CLTC: variants seen among roughly 807,000 people sequenced by gnomAD.
CLTC encodes the protein clathrin heavy chain 1.
CLTC carries 16 observed loss-of-function variants against 195.8 expected under a neutral mutation model. The observed-to-expected ratio is 0.08, with a 90% CI of 0.06 to 0.12. CLTC has a LOEUF of 0.12. Ranked by LOEUF, CLTC falls within the 10% of genes least tolerant of loss-of-function variation. The pLI, the probability that CLTC is intolerant of heterozygous loss-of-function variation, is 1.00. For missense variants in CLTC, 796 were observed against 2,027.0 expected (o/e 0.39, Z 11.66); for synonymous variants, 667 against 689.4 (o/e 0.97, Z 0.51).
Position 59,695,084 on chromosome 17 carries a change from A to C in CLTC, c.*1232A>C, listed in dbSNP as rs1293773526. On this transcript the variant is annotated 3_prime_UTR_variant, in exon 32 of 32. Transcript: ENST00000269122. ...TGAACAAATCATGGCTGTTATATTA[A>C]CTTGAAATAAAATATATTTAAACAT... 9.7e-6 allele frequency: 2 copies of C among 205,250 alleles called. No homozygotes were observed. The highest frequency in any genetic ancestry group is 2.0e-5 in the Non-Finnish European group (2 of 100,306). 12.7% of individuals were successfully genotyped at this position (205,250 alleles called of 1,614,324 possible).
chr17:59,670,000 C>T (rs925262826), intron 14 of CLTC, among the ~76,000 whole-genome samples: 1 of 152,092 alleles, frequency 6.6e-6, no homozygotes, highest in Non-Finnish European at 1.5e-5. Flanking sequence ...AACTGCTCTA[C>T]ATTTTAGATT....
Position 59,685,881 on chromosome 17 carries a change from T to A in CLTC, c.4827+73T>A, listed in dbSNP as rs1043975531. ...AATTCTACATGCACATTAATTTTTT[T>A]AAATGCTTTTTTCTTTAGTAGAAGT... On this transcript the variant is annotated intron_variant, in intron 30 of 31. Transcript: ENST00000269122. The surrounding 1 kb of genome is among the most constrained non-coding windows in gnomAD (Gnocchi z 5.0). 6 of 1,168,054 alleles carry A rather than the reference T, an allele frequency of 5.1e-6. No homozygotes were observed. Among genetic ancestry groups the A allele is most frequent in the African/African-American group, 4.7e-5 (3 of 64,328 alleles). 72.4% of individuals were successfully genotyped at this position (1,168,054 alleles called of 1,614,324 possible).
chr17:59,643,135 GTGT>G lies in CLTC; in HGVS notation c.43-1140_43-1138del, dbSNP rs1567939303. Among the ~76,000 whole-genome samples the G allele has an allele frequency of 4.1e-3, 569 of 138,650 alleles. 7 individuals carry two copies. Among genetic ancestry groups the G allele is most frequent in the Middle Eastern group, 0.015 (4 of 268 alleles). The allele number at this position is 138,650 out of a possible 152,430, so 91.0% of individuals were successfully genotyped here. A position where few individuals can be genotyped will look rare whatever the true frequency, so the allele number is the denominator to read the frequency against. On this transcript the variant is annotated intron_variant, in intron 1 of 31. Coordinates refer to ENST00000269122, the MANE Select transcript of CLTC (RefSeq NM_004859.4). ...TTCCATGCTTTTTCTTTTCTGGGGT[GTGT>G]GTGTGTGTGTGTGTGTGTGTGTGTG... is the stretch of plus-strand genomic sequence containing the variant.
intron 1 of CLTC, among the ~76,000 whole-genome samples, chr17:59,637,388 GTGCC>G (rs1435992910): frequency 6.6e-6 from 1 of 151,104 alleles, no homozygotes; most frequent in African/African-American, 2.4e-5. Context: ...GGGACTACAG[GTGCC>G]CGTCACCACA....
At chr17:59,659,474 A>G (rs1160435792) in intron 6 of CLTC, among the ~76,000 whole-genome samples, 1 of 145,834 alleles carries the variant, frequency 6.9e-6, no homozygotes, top group Non-Finnish European at 1.5e-5. Context: ...TTTTTGAGAC[A>G]GAGTCTCCCT....
chr17:59,659,208 G>A (rs2032549677), intron 6 of CLTC, among the ~76,000 whole-genome samples: 4 of 152,080 alleles, frequency 2.6e-5, no homozygotes, highest in Admixed American at 2.6e-4. Context: ...AAGTGCTGTT[G>A]GGGTAATATG....
chr17:59,624,862 GTC>G (rs1205365578), intron 1 of CLTC, among the ~76,000 whole-genome samples: 2 of 152,118 alleles, frequency 1.3e-5, no homozygotes, highest in Non-Finnish European at 2.9e-5. Context: ...TAGAGACAGA[GTC>G]TTGCTATATT....
Position 59,666,755 on chromosome 17 carries a change from A to G in CLTC, c.1948-42A>G, listed in dbSNP as rs1381557989. 6.3e-7 allele frequency: 1 copy of G among 1,581,130 alleles called. No individual in the cohort carries two copies. The highest frequency in any genetic ancestry group is 8.6e-7 in the Non-Finnish European group (1 of 1,157,786). ...ATTTCATACCACCATGAGGTTCAAC[A>G]TTATTTCATTTATTCATTCATTCAT... On this transcript the variant is annotated intron_variant, in intron 12 of 31. Coordinates refer to ENST00000269122, the MANE Select transcript of CLTC (RefSeq NM_004859.4). The surrounding 1 kb of genome is among the most constrained non-coding windows in gnomAD (Gnocchi z 4.9).
In CLTC at chr17:59,648,186, TGA is replaced by T. The variant is rs1444585838; in HGVS notation, c.520-50_520-49del. The T allele has an allele frequency of 5.4e-6, 8 of 1,477,318 alleles. No individual in the cohort carries two copies. The African/African-American group carries it at 8.4e-5, about 16-fold the overall frequency. The allele number at this position is 1,477,318 out of a possible 1,614,324, so 91.5% of individuals were successfully genotyped here. ...TAATTATTTCATTACTTGATGAATC[TGA>T]GAGTTTTTGATTTATGGGTCTTCAA... On this transcript the variant is annotated intron_variant, in intron 3 of 31. Transcript: ENST00000269122. The surrounding 1 kb of genome is among the most constrained non-coding windows in gnomAD (Gnocchi z 4.5).
At chr17:59,625,790 C>A (rs1157619090) in intron 1 of CLTC, among the ~76,000 whole-genome samples, 2 of 152,194 alleles carry the variant, frequency 1.3e-5, no homozygotes, top group Non-Finnish European at 2.9e-5. Flanking sequence ...ACGGTAACCA[C>A]ATTTCAAGTG....
intron 8 of CLTC, among the ~76,000 whole-genome samples, chr17:59,662,746 C>T (rs1300160731): frequency 6.6e-6 from 1 of 152,158 alleles, no homozygotes; most frequent in African/African-American, 2.4e-5. Flanking sequence ...AGAATAGCCA[C>T]ACTAGCGAGT....
chr17:59,687,018 A>G (rs533802593), intron 30 of CLTC: 169 of 988,520 alleles, frequency 1.7e-4, no homozygotes, highest in Non-Finnish European at 1.3e-4. Flanking sequence ...CAATAAAGGA[A>G]AAGGTGAAAG....
rs1445377532 is a variant in CLTC, at chr17:59,694,341, A to G, written c.*489A>G. The G allele has an allele frequency of 3.6e-5, 8 of 223,812 alleles. No homozygotes were observed. Among genetic ancestry groups the G allele is most frequent in the Non-Finnish European group, 5.4e-5 (6 of 111,900 alleles). The allele number at this position is 223,812 out of a possible 1,614,324, so 13.9% of individuals were successfully genotyped here. A position where few individuals can be genotyped will look rare whatever the true frequency, so the allele number is the denominator to read the frequency against. On this transcript the variant is annotated 3_prime_UTR_variant, in exon 32 of 32. Transcript: ENST00000269122. ...AAGACTGTCAGTGCCAACAAAGACA[A>G]CACTAATCAGCACATCGTACACTGG...
At chr17:59,643,408 C>T (rs940632849) in intron 1 of CLTC, among the ~76,000 whole-genome samples, 2 of 152,102 alleles carry the variant, frequency 1.3e-5, no homozygotes, top group African/African-American at 4.8e-5. Flanking sequence ...ATCTTTAGAT[C>T]CACTATATTT....
At chr17:59,620,280 T>A in intron 1 of CLTC, 107 bp downstream of exon 1, 1 of 1,084,120 alleles carries the variant, frequency 9.2e-7, no homozygotes. Context: ...GGCGGGGGGG[T>A]TGTCGGTGAT....
At chr17:59,638,794 GA>G (rs1485514217) in intron 1 of CLTC, among the ~76,000 whole-genome samples, 1 of 152,154 alleles carries the variant, frequency 6.6e-6, no homozygotes, top group Non-Finnish European at 1.5e-5. Flanking sequence ...GTTGCTAACG[GA>G]ATACTGGTCT....
At chr17:59,641,259 C>T (rs1319169356) in intron 1 of CLTC, among the ~76,000 whole-genome samples, 1 of 152,062 alleles carries the variant, frequency 6.6e-6, no homozygotes, top group Non-Finnish European at 1.5e-5. Context: ...AATAACACTA[C>T]ATTCACTAGT....
At position 59,667,145 on chromosome 17, in the gene CLTC, T is replaced by G. The variant is rs16943769; in HGVS notation, c.2128+168T>G. 2.9e-3 allele frequency: 1,541 copies of G among 524,788 alleles called. 23 individuals are homozygous for G. Among genetic ancestry groups the G allele is most frequent in the African/African-American group, 0.028 (1,437 of 51,850 alleles). The allele number at this position is 524,788 out of a possible 1,614,324, so 32.5% of individuals were successfully genotyped here. ...TATGTCAAGGCCCTTTTATGTTGGA[T>G]TCTAAGGATATGCAGTGAACCAGAC... is the stretch of plus-strand genomic sequence containing the variant. On this transcript the variant is annotated intron_variant, in intron 13 of 31. Transcript: ENST00000269122.
In CLTC at chr17:59,677,184, T is replaced by C. The variant is rs749634959; in HGVS notation, c.2792T>C (p.Ile931Thr). 3.1e-6 allele frequency: 5 copies of C among 1,607,948 alleles called. No individual in the cohort carries two copies. Among genetic ancestry groups the C allele is most frequent in the East Asian group, 2.2e-5 (1 of 44,838 alleles). ...CGTGGCCAATGTGATCTGGAACTTA[T>C]TAATGTGAGTACTGCTAGCTGAATA... ...YERGQCDLELINVCNENSLFK... is the reference protein window; with the variant it reads ...YERGQCDLELTNVCNENSLFK... The change falls in exon 17 of 32, where the codon ATT (isoleucine) becomes ACT (threonine). Residue 931 changes from isoleucine (I) to threonine (T), a missense_variant. Coordinates refer to ENST00000269122, the MANE Select transcript of CLTC (RefSeq NM_004859.4).
Sources: gnomAD v4.1 joint callset for allele counts (sites outside exome capture counted in the v4.1 genomes callset) on GRCh38, gnomAD v4.1.1 for gene constraint, Gnocchi (gnomAD v3.1) non-coding constraint, MANE v1.5 for transcripts, NCBI Gene and HGNC (gene_info 2026-07-23, HGNC 2026-07-21) for gene names.